TMEM132B: variants seen among roughly 807,000 people sequenced by gnomAD.
TMEM132B encodes the protein transmembrane protein 132B.
TMEM132B carries 18 observed loss-of-function variants against 90.8 expected under a neutral mutation model. The observed-to-expected ratio is 0.20, with a 90% CI of 0.14 to 0.29. The LOEUF (loss-of-function observed/expected upper bound fraction) is 0.29, where lower values mean the gene tolerates loss of function less well. Among genes scored for constraint, TMEM132B ranks in the 10% least tolerant of loss-of-function variants. The pLI, the probability that TMEM132B is intolerant of heterozygous loss-of-function variation, is 1.00. For synonymous variants in TMEM132B, 504 were observed against 523.3 expected (o/e 0.96, Z 0.50); for missense variants, 1,096 against 1,326.8 (o/e 0.83, Z 2.70).
chr12:125,324,101 T>A (rs1876497401), intron 1 of TMEM132B, among the ~76,000 whole-genome samples: 1 of 152,156 alleles, frequency 6.6e-6, no homozygotes, highest in Non-Finnish European at 1.5e-5. Context: ...ATGACCCAAC[T>A]TCAGATCAGA....
chr12:125,372,837 C>T (rs1010454454), intron 2 of TMEM132B, among the ~76,000 whole-genome samples: 3 of 152,168 alleles, frequency 2.0e-5, no homozygotes, highest in African/African-American at 7.2e-5. Flanking sequence ...GCGTTCTGGC[C>T]ACACACACCG....
chr12:125,432,973 A>G (rs2136407779), intron 3 of TMEM132B, among the ~76,000 whole-genome samples: 1 of 152,266 alleles, frequency 6.6e-6, no homozygotes, highest in Middle Eastern at 3.4e-3. Context: ...TGGAATGCCA[A>G]TTTGGCCAAG....
chr12:125,553,696 T>A (rs1380243748), intron 4 of TMEM132B, among the ~76,000 whole-genome samples: 5 of 152,136 alleles, frequency 3.3e-5, no homozygotes, highest in Non-Finnish European at 5.9e-5. Flanking sequence ...TTTAATTCTC[T>A]TTCAACATTT....
At chr12:125,236,692 G>A (rs933001176) in intron 1 of TMEM132B, among the ~76,000 whole-genome samples, 1 of 152,174 alleles carries the variant, frequency 6.6e-6, no homozygotes, top group African/African-American at 2.4e-5. Flanking sequence ...ATCCAGCCTG[G>A]CCCCACCTGA....
At chr12:125,216,094 G>A (rs764149015) in intron 1 of TMEM132B, among the ~76,000 whole-genome samples, 7 of 152,230 alleles carry the variant, frequency 4.6e-5, no homozygotes, top group African/African-American at 1.2e-4. Flanking sequence ...TCTGCCTCCT[G>A]TATTAGTTTG....
intron 1 of TMEM132B, among the ~76,000 whole-genome samples, chr12:125,221,330 C>T (rs994993304): frequency 3.9e-5 from 6 of 152,194 alleles, no homozygotes; most frequent in Non-Finnish European, 7.3e-5. Context: ...CTACTCAGTG[C>T]ATGAGGATTC....
Position 125,408,610 on chromosome 12 carries a change from G to A in TMEM132B, c.960-6921G>A, listed in dbSNP as rs1203434073. On this transcript the variant is annotated intron_variant, in intron 2 of 8. Coordinates refer to ENST00000682704, the MANE Select transcript of TMEM132B (RefSeq NM_001366854.1). The surrounding 1 kb of genome is among the most constrained non-coding windows in gnomAD (Gnocchi z 5.9). ...TTGTGGTATTTTGTTAGACTGTCCCGAACAGATTAAGGCAATGAGCATTTT... is the reference window on the plus strand; with the variant it reads ...TTGTGGTATTTTGTTAGACTGTCCCAAACAGATTAAGGCAATGAGCATTTT... Among the ~76,000 whole-genome samples the A allele has an allele frequency of 6.6e-5, 10 of 152,302 alleles. No individual in the cohort carries two copies. Among genetic ancestry groups the A allele is most frequent in the East Asian group, 3.9e-4 (2 of 5,180 alleles).
intron 1 of TMEM132B, among the ~76,000 whole-genome samples, chr12:125,304,104 A>G (rs1164735086): frequency 7.2e-5 from 11 of 152,230 alleles, no homozygotes; most frequent in Non-Finnish European, 4.4e-5. Flanking sequence ...TAAGGAGCAC[A>G]CAACCTAGAT....
At chr12:125,548,332 A>G (rs191043230) in intron 4 of TMEM132B, among the ~76,000 whole-genome samples, 164 of 152,326 alleles carry the variant, frequency 1.1e-3, no homozygotes, top group Non-Finnish European at 1.6e-3. Flanking sequence ...GTAGGCAGAT[A>G]TCTCAGAATA....
intron 3 of TMEM132B, among the ~76,000 whole-genome samples, chr12:125,417,859 T>G (rs186649289): frequency 1.3e-5 from 2 of 152,254 alleles, no homozygotes; most frequent in East Asian, 3.9e-4. Context: ...TGGCATAACT[T>G]AGATTGTGCA....
At chr12:125,475,759 T>C (rs761819675) in intron 3 of TMEM132B, among the ~76,000 whole-genome samples, 3 of 152,180 alleles carry the variant, frequency 2.0e-5, no homozygotes, top group Non-Finnish European at 2.9e-5. Flanking sequence ...CCTTTATAGA[T>C]ATCTATCCTA....
intron 1 of TMEM132B, among the ~76,000 whole-genome samples, chr12:125,222,880 G>A (rs545916797): frequency 6.6e-6 from 1 of 152,324 alleles, no homozygotes; most frequent in South Asian, 2.1e-4. Context: ...ATGGTCTAGG[G>A]TAAAATATTG....
chr12:125,593,007 A>G (rs1238833645), intron 5 of TMEM132B, among the ~76,000 whole-genome samples: 1 of 152,186 alleles, frequency 6.6e-6, no homozygotes, highest in Non-Finnish European at 1.5e-5. Context: ...TTCAAAAGAG[A>G]TTTAAGGCTA....
At chr12:125,570,686 T>C (rs1029223427) in intron 4 of TMEM132B, among the ~76,000 whole-genome samples, 12 of 152,222 alleles carry the variant, frequency 7.9e-5, no homozygotes, top group Non-Finnish European at 4.4e-5. Context: ...TTCAGCGTTA[T>C]ATAATACACA....
At chr12:125,412,572 G>C (rs1300473690) in intron 2 of TMEM132B, among the ~76,000 whole-genome samples, 1 of 152,214 alleles carries the variant, frequency 6.6e-6, no homozygotes, top group Admixed American at 6.5e-5. Context: ...GCGCTATCGG[G>C]TGGGAGGGTC....
At position 125,519,532 on chromosome 12, in the gene TMEM132B, G is replaced by A; in HGVS notation, c.1200G>A (p.Val400=). ...LAGAQQITWQ[V]EYPIEDSMSE... ...GGGCCCAGCAGATTACCTGGCAGGT[G>A]GAGTACCCGATTGAGGACTCCATGA... The change falls in exon 4 of 9, where the codon GTG becomes GTA. Residue 400 remains valine (V), a synonymous_variant. Coordinates refer to ENST00000682704, the MANE Select transcript of TMEM132B (RefSeq NM_001366854.1). 1 of 1,614,122 alleles carries A rather than the reference G, an allele frequency of 6.2e-7. No individual in the cohort carries two copies. The highest frequency in any genetic ancestry group is 1.1e-5 in the South Asian group (1 of 91,062).
chr12:125,197,864 A>G (rs1443669565), intron 1 of TMEM132B, among the ~76,000 whole-genome samples: 1 of 152,258 alleles, frequency 6.6e-6, no homozygotes, highest in South Asian at 2.1e-4. Flanking sequence ...GAAAGTTGCC[A>G]TCAACTTAGT....
intron 2 of TMEM132B, among the ~76,000 whole-genome samples, chr12:125,368,514 T>C (rs376734043): frequency 1.2e-4 from 18 of 152,352 alleles, no homozygotes; most frequent in African/African-American, 4.1e-4. Context: ...ATTTATTCAT[T>C]GTTTAATTTA....
chr12:125,236,081 G>C (rs373244799), intron 1 of TMEM132B, among the ~76,000 whole-genome samples: 1 of 152,042 alleles, frequency 6.6e-6, no homozygotes, highest in East Asian at 1.9e-4. Context: ...GGGATTACAG[G>C]CATGAGCCAC....
Sources: gnomAD v4.1 joint callset for allele counts (sites outside exome capture counted in the v4.1 genomes callset) on GRCh38, gnomAD v4.1.1 for gene constraint, Gnocchi (gnomAD v3.1) non-coding constraint, MANE v1.5 for transcripts, NCBI Gene and HGNC (gene_info 2026-07-23, HGNC 2026-07-21) for gene names.